ATXN7L1: variants seen among roughly 807,000 people sequenced by gnomAD.
ATXN7L1 encodes ataxin 7 like 1, also known as ataxin-7-like protein 1.
In ATXN7L1, 15 loss-of-function variants were observed where a neutral mutation model predicts 70.8. That is an observed-to-expected ratio of 0.21 (90% CI 0.14 to 0.33). The LOEUF is 0.33. Ranked by LOEUF, ATXN7L1 falls within the 10% of genes least tolerant of loss-of-function variation. The probability of loss-of-function intolerance (pLI) is 1.00; values close to 1 mark genes in which losing one functional copy is unlikely to be tolerated. For missense variants in ATXN7L1, 975 were observed against 1,097.1 expected (o/e 0.89, Z 1.57); for synonymous variants, 440 against 445.1 (o/e 0.99, Z 0.14).
intron 7 of ATXN7L1, among the ~76,000 whole-genome samples, chr7:105,636,394 CA>C (rs1217878273): frequency 0.061 from 5,270 of 86,522 alleles, 299 homozygotes; most frequent in East Asian, 0.3. Context: ...AACTCTGTCT[CA>C]AAAAAAAAAA....
intron 3 of ATXN7L1, among the ~76,000 whole-genome samples, chr7:105,666,205 A>C (rs549415754): frequency 2.6e-5 from 4 of 152,338 alleles, no homozygotes; most frequent in African/African-American, 9.6e-5. Context: ...AACTTTGTAC[A>C]TGATTACAGG....
chr7:105,876,514 A>G lies in ATXN7L1; in HGVS notation c.45T>C (p.Ala15=), dbSNP rs577424825. 7 of 1,611,678 alleles carry G rather than the reference A, an allele frequency of 4.3e-6. No homozygotes were observed. The highest frequency in any genetic ancestry group is 3.3e-5 in the Admixed American group (2 of 59,906). Residue 15 remains alanine, a synonymous_variant, in exon 1 of 12, where the codon GCT becomes GCC. Transcript: ENST00000419735. ...GTTGCTTTTTCCCTGTTCCTTCGGC[A>G]GCAGCAGCCGAGAGACACGGGATTC... ...RSRIPCLSAA[A]AEGTGKKQQE...
chr7:105,787,407 T>C (rs1804468163), intron 3 of ATXN7L1, among the ~76,000 whole-genome samples: 1 of 152,162 alleles, frequency 6.6e-6, no homozygotes, highest in South Asian at 2.1e-4. Flanking sequence ...GGTTTGAAAG[T>C]CCTGGACTCA....
At chr7:105,705,575 G>T (rs191825749) in intron 3 of ATXN7L1, among the ~76,000 whole-genome samples, 1 of 151,986 alleles carries the variant, frequency 6.6e-6, no homozygotes, top group African/African-American at 2.4e-5. Context: ...GGAATCTGTC[G>T]CAGCTCTCCC....
chr7:105,867,310 C>T (rs745927871), intron 2 of ATXN7L1, among the ~76,000 whole-genome samples: 4 of 152,216 alleles, frequency 2.6e-5, no homozygotes, highest in Admixed American at 2.0e-4. Context: ...CTGCAGAGAA[C>T]GCCAGTTGTA....
intron 3 of ATXN7L1, among the ~76,000 whole-genome samples, chr7:105,733,568 T>TCCACCCA (rs1796886987): frequency 3.9e-5 from 1 of 25,936 alleles, no homozygotes; most frequent in African/African-American, 1.7e-4. Context: ...CCATCCATCC[T>TCCACCCA]TCCATCCATC....
chr7:105,875,733 A>T, intron 2 of ATXN7L1, 79 bp downstream of exon 2: 1 of 1,442,032 alleles, frequency 6.9e-7, no homozygotes, highest in Non-Finnish European at 9.7e-7. Context: ...TACCCAGCAG[A>T]ACAATTCACA....
At chr7:105,724,913 A>G (rs2116312071) in intron 3 of ATXN7L1, among the ~76,000 whole-genome samples, 1 of 151,980 alleles carries the variant, frequency 6.6e-6, no homozygotes, top group African/African-American at 2.4e-5. Context: ...TGCAGCCTCA[A>G]ACTCCTGAGC....
intron 3 of ATXN7L1, among the ~76,000 whole-genome samples, chr7:105,731,747 T>TG (rs1563046061): frequency 5.7e-4 from 9 of 15,844 alleles, no homozygotes; most frequent in African/African-American, 3.7e-3. Context: ...TCTTACTCCT[T>TG]AAAAAGAAAA....
chr7:105,622,545 C>G (rs888940202), intron 8 of ATXN7L1, among the ~76,000 whole-genome samples: 1 of 152,226 alleles, frequency 6.6e-6, no homozygotes, highest in Non-Finnish European at 1.5e-5. Flanking sequence ...TCCCACCTCT[C>G]TCTGTCTTTT....
At position 105,733,836 on chromosome 7, in the gene ATXN7L1, G is replaced by GTCCATCCATCCATCCATCCTTCCATCCA. The variant is rs1797025055; in HGVS notation, c.355+54767_355+54768insTGGATGGAAGGATGGATGGATGGATGGA. On this transcript the variant is annotated intron_variant, in intron 3 of 11. Coordinates refer to ENST00000419735, the MANE Select transcript of ATXN7L1 (RefSeq NM_020725.2). The stretch of plus-strand genomic sequence containing the variant: ...CACCCATCCATCCACCCCTCCATCC[G>GTCCATCCATCCATCCATCCTTCCATCCA]TCCACCCATCCATCCATCCATCCAT... Among the ~76,000 whole-genome samples the GTCCATCCATCCATCCATCCTTCCATCCA allele has an allele frequency of 1.2e-3, 16 of 13,904 alleles. 1 individual carries two copies. Among genetic ancestry groups the GTCCATCCATCCATCCATCCTTCCATCCA allele is most frequent in the African/African-American group, 4.4e-3 (15 of 3,400 alleles). 9.1% of individuals were successfully genotyped at this position (13,904 alleles called of 152,430 possible).
At chr7:105,756,454 A>G (rs1279519761) in intron 3 of ATXN7L1, among the ~76,000 whole-genome samples, 1 of 152,242 alleles carries the variant, frequency 6.6e-6, no homozygotes, top group African/African-American at 2.4e-5. Flanking sequence ...AATGCCTTTC[A>G]ATATAGTTTG....
At position 105,638,367 on chromosome 7, in the gene ATXN7L1, G is replaced by A. The variant is rs1238130887; in HGVS notation, c.1188C>T (p.Asn396=). The change falls in exon 7 of 12, where the codon AAC becomes AAT. Residue 396 remains asparagine (N), a synonymous_variant. Transcript: ENST00000419735. ...GTGGTACTTACCTAGGAAGTACAGA[G>A]TTGGGTGGTCTGGATTTTGCAGGGG... ...VASPAKSRPP[N]SVLPRPSSAN... 1.5e-5 allele frequency: 23 copies of A among 1,551,722 alleles called. No individual in the cohort carries two copies. Among genetic ancestry groups the A allele is most frequent in the East Asian group, 2.4e-5 (1 of 40,928 alleles).
chr7:105,738,856 G>C (rs1410670140), intron 3 of ATXN7L1, among the ~76,000 whole-genome samples: 1 of 152,236 alleles, frequency 6.6e-6, no homozygotes, highest in African/African-American at 2.4e-5. Flanking sequence ...CTATTTGCTG[G>C]ATGCAGAGCG....
chr7:105,725,721 C>T (rs2116314081), intron 3 of ATXN7L1, among the ~76,000 whole-genome samples: 1 of 151,996 alleles, frequency 6.6e-6, no homozygotes, highest in East Asian at 1.9e-4. Context: ...GCTGAGATTA[C>T]AGGCATTCAC....
At chr7:105,755,265 G>T (rs1338117740) in intron 3 of ATXN7L1, among the ~76,000 whole-genome samples, 1 of 152,152 alleles carries the variant, frequency 6.6e-6, no homozygotes, top group Non-Finnish European at 1.5e-5. Context: ...GGATGTTAGA[G>T]GACATCCTAA....
At chr7:105,710,361 G>A (rs1258690766) in intron 3 of ATXN7L1, among the ~76,000 whole-genome samples, 1 of 151,750 alleles carries the variant, frequency 6.6e-6, no homozygotes, top group Admixed American at 6.6e-5. Flanking sequence ...TACTATGGAG[G>A]AGCAGGAGAG....
chr7:105,641,337 T>TC (rs35058517), intron 5 of ATXN7L1, among the ~76,000 whole-genome samples: 44,703 of 149,088 alleles, frequency 0.3, 7,212 homozygotes, highest in Admixed American at 0.41. Flanking sequence ...TGTTTTTTTT[T>TC]TGGGTCTGTC....
chr7:105,770,029 C>T (rs1801770210), intron 3 of ATXN7L1, among the ~76,000 whole-genome samples: 1 of 152,212 alleles, frequency 6.6e-6, no homozygotes, highest in Non-Finnish European at 1.5e-5. Context: ...GTGCTTTGTG[C>T]AGGCTTCACC....
Sources: allele counts gnomAD v4.1 joint callset (sites outside exome capture counted in the v4.1 genomes callset), GRCh38; gene constraint gnomAD v4.1.1; transcripts MANE v1.5; gene names NCBI Gene and HGNC (gene_info 2026-07-23, HGNC 2026-07-21).